Variants in PDE1A observed in about 807,000 individuals in gnomAD.
PDE1A encodes dual specificity calcium/calmodulin-dependent 3',5'-cyclic nucleotide phosphodiesterase 1A.
A neutral mutation model predicts 61.7 loss-of-function variants in PDE1A; 35 were observed. The observed-to-expected ratio is 0.57, with a 90% CI of 0.43 to 0.75. The LOEUF is 0.75. PDE1A is among the 30% of genes least tolerant of loss of function. PDE1A has a pLI of 0.00. For synonymous variants in PDE1A, 232 were observed against 213.2 expected (o/e 1.09, Z -0.77); for missense variants, 597 against 630.6 (o/e 0.95, Z 0.57).
the PDE1A span, among the ~76,000 whole-genome samples, chr2:182,679,269 C>T: frequency 2.0e-5 from 3 of 151,168 alleles, no homozygotes; most frequent in Admixed American, 6.6e-5. Context: ...CTGCAAGCTC[C>T]GCCTCCCGGG....
intron 1 of PDE1A, among the ~76,000 whole-genome samples, chr2:182,421,041 A>G (rs923431318): frequency 6.6e-6 from 1 of 152,148 alleles, no homozygotes. Flanking sequence ...CCATCTCTAC[A>G]TACCTACAGG....
chr2:182,568,623 C>T, the PDE1A span, among the ~76,000 whole-genome samples: 3 of 152,160 alleles, frequency 2.0e-5, no homozygotes, highest in Non-Finnish European at 4.4e-5. Context: ...CGAGATCACA[C>T]CACTGCCCTC....
chr2:182,293,734 A>G (rs1016903438), intron 1 of PDE1A, among the ~76,000 whole-genome samples: 3 of 152,202 alleles, frequency 2.0e-5, no homozygotes, highest in Admixed American at 1.3e-4. Context: ...ATAGAACAAT[A>G]TAACTGTAAG....
intron 1 of PDE1A, among the ~76,000 whole-genome samples, chr2:182,414,326 T>TA (rs1478833215): frequency 1.3e-5 from 2 of 152,168 alleles, no homozygotes; most frequent in East Asian, 3.8e-4. Context: ...CTAAGCATTC[T>TA]AGTCTGAGTC....
At chr2:182,690,392 C>T in the PDE1A span, among the ~76,000 whole-genome samples, 12 of 152,254 alleles carry the variant, frequency 7.9e-5, no homozygotes, top group South Asian at 2.1e-4. Flanking sequence ...AATCAATAAA[C>T]GTAATCCAGC....
chr2:182,646,345 G>A, the PDE1A span, among the ~76,000 whole-genome samples: 4 of 150,282 alleles, frequency 2.7e-5, no homozygotes, highest in Non-Finnish European at 4.4e-5. Flanking sequence ...CCAGCTACTC[G>A]GGAGGCTGTG....
exon 10 of PDE1A, chr2:182,201,492 A>G: frequency 6.2e-7 from 1 of 1,614,116 alleles, no homozygotes; most frequent in African/African-American, 1.3e-5. Flanking sequence ...TGCAGCTTCC[A>G]GGATTTGGCT....
At chr2:182,449,341 AGAAG>A (rs926371341) in intron 2 of PDE1A, among the ~76,000 whole-genome samples, 16 of 151,802 alleles carry the variant, frequency 1.1e-4, no homozygotes, top group Non-Finnish European at 1.8e-4. Context: ...GAGAAAGGAA[AGAAG>A]GAAGGAAGGA....
At chr2:182,297,797 A>T (rs1574284691) in intron 1 of PDE1A, among the ~76,000 whole-genome samples, 1 of 152,178 alleles carries the variant, frequency 6.6e-6, no homozygotes, top group East Asian at 1.9e-4. Context: ...TGGTATATGA[A>T]TACCCTACCC....
intron 2 of PDE1A, 39 bp from the exon 3 acceptor site, chr2:182,240,331 A>G (rs775497987): frequency 7.6e-7 from 1 of 1,318,904 alleles, no homozygotes; most frequent in Non-Finnish European, 1.0e-6. Context: ...TTTATAAAAA[A>G]GTGAAGAAAA....
At chr2:182,603,275 T>C in the PDE1A span, among the ~76,000 whole-genome samples, 1 of 152,238 alleles carries the variant, frequency 6.6e-6, no homozygotes, top group Non-Finnish European at 1.5e-5. Flanking sequence ...CTAAAAATGG[T>C]ATAACTGAGA....
intron 1 of PDE1A, among the ~76,000 whole-genome samples, chr2:182,404,631 A>C (rs1702199645): frequency 6.6e-6 from 1 of 152,232 alleles, no homozygotes; most frequent in African/African-American, 2.4e-5. Context: ...TGTATTTTTA[A>C]AACTTGTATT....
the PDE1A span, among the ~76,000 whole-genome samples, chr2:182,681,699 G>A: frequency 6.6e-6 from 1 of 151,980 alleles, no homozygotes; most frequent in Non-Finnish European, 1.5e-5. Context: ...CTGTCACTGA[G>A]CAGTGGCACG....
At chr2:182,380,137 G>T (rs1487684828) in intron 1 of PDE1A, among the ~76,000 whole-genome samples, 1 of 116,104 alleles carries the variant, frequency 8.6e-6, no homozygotes. Context: ...TTGAGACAGA[G>T]TCTTGCTCTG....
At chr2:182,453,519 T>G (rs368333199) in intron 2 of PDE1A, among the ~76,000 whole-genome samples, 16 of 151,810 alleles carry the variant, frequency 1.1e-4, no homozygotes, top group Admixed American at 1.1e-3. Context: ...AAATCCTCAA[T>G]AAAATACTGG....
chr2:182,513,882 A>C (rs1038034891), intron 2 of PDE1A, among the ~76,000 whole-genome samples: 4 of 152,250 alleles, frequency 2.6e-5, no homozygotes, highest in African/African-American at 9.6e-5. Flanking sequence ...GTTTCAATTC[A>C]GTAAGAAGAC....
At chr2:182,393,759 C>T (rs1303230828) in intron 1 of PDE1A, among the ~76,000 whole-genome samples, 2 of 152,214 alleles carry the variant, frequency 1.3e-5, no homozygotes, top group Non-Finnish European at 2.9e-5. Flanking sequence ...CAAAATTCCA[C>T]AGATCTCCAG....
At chr2:182,484,604 A>G (rs1452243944) in intron 2 of PDE1A, among the ~76,000 whole-genome samples, 1 of 152,110 alleles carries the variant, frequency 6.6e-6, no homozygotes, top group Non-Finnish European at 1.5e-5. Context: ...AAATATTTGC[A>G]AACTATGCAT....
At chr2:182,564,547 T>C in the PDE1A span, among the ~76,000 whole-genome samples, 624 of 152,278 alleles carry the variant, frequency 4.1e-3, 4 homozygotes, top group South Asian at 0.021. Flanking sequence ...TTGCTCTTCT[T>C]GAGGAGTATC....
Sources: gnomAD v4.1 joint callset for allele counts (sites outside exome capture counted in the v4.1 genomes callset) on GRCh38, gnomAD v4.1.1 for gene constraint, MANE v1.5 for transcripts, NCBI Gene and HGNC (gene_info 2026-07-23, HGNC 2026-07-21) for gene names.